PTPRD: variants seen among roughly 807,000 people sequenced by gnomAD.
The protein encoded by PTPRD is protein tyrosine phosphatase receptor type D, also known as receptor-type tyrosine-protein phosphatase delta.
PTPRD carries 34 observed loss-of-function variants against 214.5 expected under a neutral mutation model. The ratio of observed to expected loss-of-function variants is 0.16; its 90% CI spans 0.12 to 0.21. PTPRD has a LOEUF of 0.21. Among genes scored for constraint, PTPRD ranks in the 10% least tolerant of loss-of-function variants. The pLI, the probability that PTPRD is intolerant of heterozygous loss-of-function variation, is 1.00. For missense variants in PTPRD, 2,545 were observed against 2,398.7 expected (o/e 1.06, Z -1.27); for synonymous variants, 1,128 against 845.7 (o/e 1.33, Z -5.79).
At chr9:9,950,965 C>T (rs1030218757) in intron 4 of PTPRD, among the ~76,000 whole-genome samples, 8 of 152,106 alleles carry the variant, frequency 5.3e-5, no homozygotes, top group African/African-American at 1.4e-4. Context: ...AAAGCTGACT[C>T]TAAGAATAGA....
intron 9 of PTPRD, among the ~76,000 whole-genome samples, chr9:9,285,597 T>C (rs2133826355): frequency 6.6e-6 from 1 of 151,906 alleles, no homozygotes; most frequent in East Asian, 2.0e-4. Context: ...ACCTCATCTC[T>C]TTCTAAAGCA....
At chr9:10,061,476 T>G (rs1467750797) in intron 3 of PTPRD, among the ~76,000 whole-genome samples, 1 of 152,098 alleles carries the variant, frequency 6.6e-6, no homozygotes. Context: ...CATAATTGTC[T>G]GTGGTAGCTT....
chr9:9,606,773 T>C lies in PTPRD; in HGVS notation c.-286-31992A>G, dbSNP rs139035768. 8.9e-3 allele frequency among the ~76,000 whole-genome samples: 1,357 copies of C among 151,696 alleles called. 21 individuals are homozygous for C. The highest frequency in any genetic ancestry group is 0.031 in the African/African-American group (1,297 of 41,360). On this transcript the variant is annotated intron_variant, in intron 7 of 45. Coordinates refer to ENST00000381196, the MANE Select transcript of PTPRD (RefSeq NM_002839.4). ...CAGAAGTTCTTACTAAATGGGTAGA[T>C]AGAGGTGGACAAATACATTTCTTAG...
chr9:10,315,069 T>C (rs917447597), intron 3 of PTPRD, among the ~76,000 whole-genome samples: 2 of 151,920 alleles, frequency 1.3e-5, no homozygotes, highest in African/African-American at 4.8e-5. Context: ...GAAAGAGAAA[T>C]AGCAAGTTGA....
intron 21 of PTPRD, among the ~76,000 whole-genome samples, chr9:8,508,705 T>C (rs1256836293): frequency 6.6e-6 from 1 of 152,186 alleles, no homozygotes; most frequent in Non-Finnish European, 1.5e-5. Context: ...GTATAATTTG[T>C]AGTTCAAAAG....
chr9:8,557,658 G>T (rs143580795), intron 14 of PTPRD, among the ~76,000 whole-genome samples: 1 of 146,986 alleles, frequency 6.8e-6, no homozygotes, highest in Non-Finnish European at 1.5e-5. Context: ...CAGGGGAATC[G>T]CTTGAACATG....
At chr9:9,955,969 T>G in intron 4 of PTPRD, among the ~76,000 whole-genome samples, 1 of 152,116 alleles carries the variant, frequency 6.6e-6, no homozygotes, top group Admixed American at 6.5e-5. Flanking sequence ...ACAGGAGTGG[T>G]GGGGGGGATC....
intron 4 of PTPRD, among the ~76,000 whole-genome samples, chr9:10,014,254 AACTAAG>A (rs1232072271): frequency 6.6e-6 from 1 of 152,024 alleles, no homozygotes; most frequent in African/African-American, 2.4e-5. Context: ...CAGATGAGGA[AACTAAG>A]ACTCAGTGAG....
intron 10 of PTPRD, among the ~76,000 whole-genome samples, chr9:9,175,381 G>C (rs1343657788): frequency 3.9e-5 from 6 of 151,916 alleles, no homozygotes. Flanking sequence ...CCAGCACTTT[G>C]GGAGGCCAAG....
intron 14 of PTPRD, among the ~76,000 whole-genome samples, chr9:8,611,733 A>C (rs559795155): frequency 3.4e-5 from 5 of 148,948 alleles, no homozygotes; most frequent in Non-Finnish European, 7.4e-5. Context: ...AGACAAAAGA[A>C]AAAAGAAAAG....
intron 8 of PTPRD, among the ~76,000 whole-genome samples, chr9:9,507,827 C>T (rs1481135895): frequency 6.6e-6 from 1 of 151,332 alleles, no homozygotes; most frequent in Non-Finnish European, 1.5e-5. Context: ...GTTCAGGTTG[C>T]TATGGTAATT....
At chr9:8,609,200 G>C (rs904053471) in intron 14 of PTPRD, among the ~76,000 whole-genome samples, 1 of 152,212 alleles carries the variant, frequency 6.6e-6, no homozygotes, top group East Asian at 1.9e-4. Context: ...ATTCCGGGAA[G>C]ATGAGACATA....
chr9:9,840,818 T>G (rs886685190), intron 5 of PTPRD, among the ~76,000 whole-genome samples: 5 of 112,414 alleles, frequency 4.4e-5, no homozygotes, highest in South Asian at 3.1e-4. Context: ...GGAAGGGAAA[T>G]ACACTGGAAT....
At position 8,453,443 on chromosome 9, in the gene PTPRD, C is replaced by T. The variant is rs530869667; in HGVS notation, c.3876-3606G>A. 2.3e-3 allele frequency among the ~76,000 whole-genome samples: 346 copies of T among 152,226 alleles called. 1 individual carries two copies. Among genetic ancestry groups the T allele is most frequent in the African/African-American group, 8.1e-3 (338 of 41,544 alleles). ...CCTCCCAGAGTGCTGGGATTACAGG[C>T]GTGAGCCACCATGCCTGGCCGATGA... On this transcript the variant is annotated intron_variant, in intron 33 of 45. Coordinates refer to ENST00000381196, the MANE Select transcript of PTPRD (RefSeq NM_002839.4).
intron 3 of PTPRD, among the ~76,000 whole-genome samples, chr9:10,211,645 GC>G (rs2099517529): frequency 1.3e-5 from 2 of 152,122 alleles, no homozygotes; most frequent in South Asian, 4.1e-4. Flanking sequence ...AATGTCTTTT[GC>G]CCCAACATGG....
chr9:9,765,354 T>A (rs891279244), intron 6 of PTPRD, among the ~76,000 whole-genome samples: 2 of 152,182 alleles, frequency 1.3e-5, no homozygotes, highest in African/African-American at 4.8e-5. Context: ...TACGTTTGCA[T>A]GAGATAGAAC....
chr9:9,902,622 C>A (rs905765492), intron 5 of PTPRD, among the ~76,000 whole-genome samples: 2 of 152,104 alleles, frequency 1.3e-5, no homozygotes, highest in African/African-American at 4.8e-5. Context: ...CTGACTAGCA[C>A]CATGTATCTG....
At position 8,530,399 on chromosome 9, in the gene PTPRD, T is replaced by C. The variant is rs531499854; in HGVS notation, c.353-1620A>G. Among the ~76,000 whole-genome samples the C allele has an allele frequency of 5.3e-5, 8 of 152,236 alleles. No homozygotes were observed. In the East Asian group the frequency reaches 1.6e-3, roughly 30 times the overall value. ...ATGTTTGCTGGGTACTCCGTGCTTC[T>C]AGGAAGCCACGCAGCCAAAGTCACC... On this transcript the variant is annotated intron_variant, in intron 14 of 45. Transcript: ENST00000381196.
intron 10 of PTPRD, among the ~76,000 whole-genome samples, chr9:9,096,587 T>C (rs58135772): frequency 6.6e-6 from 1 of 151,998 alleles, no homozygotes; most frequent in African/African-American, 2.4e-5. Context: ...TTCTTTTTTT[T>C]AAAAATATTT....
Sources: allele counts gnomAD v4.1 joint callset (sites outside exome capture counted in the v4.1 genomes callset), GRCh38; gene constraint gnomAD v4.1.1; transcripts MANE v1.5; gene names NCBI Gene and HGNC (gene_info 2026-07-23, HGNC 2026-07-21).